Variants in BMP7 observed in about 807,000 individuals in gnomAD.
The protein encoded by BMP7 is osteogenic protein 1.
BMP7 carries 12 observed loss-of-function variants against 41.2 expected under a neutral mutation model. The ratio of observed to expected loss-of-function variants is 0.29; its 90% CI spans 0.19 to 0.47. The LOEUF (loss-of-function observed/expected upper bound fraction) is 0.47. Ranked by LOEUF, BMP7 falls within the 20% of genes least tolerant of loss-of-function variation. The pLI is 0.99. For missense variants in BMP7, 467 were observed against 606.0 expected, an observed-to-expected ratio of 0.77 and a Z score of 2.41; for synonymous variants, 248 against 250.0, an observed-to-expected ratio of 0.99 and a Z score of 0.07.
chr20:57,182,804 G>A (rs1385819874), intron 4 of BMP7, among the ~76,000 whole-genome samples: 2 of 152,272 alleles, frequency 1.3e-5, no homozygotes, highest in African/African-American at 4.8e-5. Context: ...TTCGCACAAT[G>A]CGTTAACTTT....
At chr20:57,181,862 G>GA (rs1473502680) in intron 4 of BMP7, among the ~76,000 whole-genome samples, 1 of 152,252 alleles carries the variant, frequency 6.6e-6, no homozygotes, top group African/African-American at 2.4e-5. Flanking sequence ...CCGCGTATTG[G>GA]AAGGCCAGCT....
At chr20:57,221,019 G>A (rs1406928584) in intron 2 of BMP7, among the ~76,000 whole-genome samples, 1 of 152,174 alleles carries the variant, frequency 6.6e-6, no homozygotes, top group African/African-American at 2.4e-5. Flanking sequence ...AGGGAAGGCT[G>A]GGTCGTGCTT....
intron 1 of BMP7, among the ~76,000 whole-genome samples, chr20:57,257,405 T>C (rs531821994): frequency 1.3e-5 from 2 of 152,140 alleles, no homozygotes; most frequent in Non-Finnish European, 2.9e-5. Context: ...ATTAAATGTA[T>C]ATTGTTAATT....
At position 57,204,935 on chromosome 20, in the gene BMP7, C is replaced by T. The variant is rs544002565; in HGVS notation, c.612-2312G>A. On this transcript the variant is annotated intron_variant, in intron 2 of 6. Coordinates refer to ENST00000395863, the MANE Select transcript of BMP7 (RefSeq NM_001719.3). ...GTGGGCCCTTTAGGAGGTGATTAGG[C>T]CATTGGGGATGGATTGGTGTCTTTA... is the stretch of plus-strand genomic sequence containing the variant. Among the ~76,000 whole-genome samples, 5 of 152,252 alleles carry T rather than the reference C, an allele frequency of 3.3e-5. No individual in the cohort carries two copies. The East Asian group carries it at 9.6e-4, about 29-fold the overall frequency.
chr20:57,223,232 A>AAAAG (rs200692307), intron 2 of BMP7, among the ~76,000 whole-genome samples: 44 of 85,184 alleles, frequency 5.2e-4, no homozygotes, highest in South Asian at 2.1e-3. Flanking sequence ...TCCATCTCAA[A>AAAAG]AAAAAAAAAA....
chr20:57,232,452 C>T (rs1480786136), intron 1 of BMP7, among the ~76,000 whole-genome samples: 2 of 152,052 alleles, frequency 1.3e-5, no homozygotes, highest in African/African-American at 2.4e-5. Context: ...AATAAAGATA[C>T]GTTTGAATAA....
At chr20:57,177,342 ATTT>A (rs1983952943) in intron 4 of BMP7, among the ~76,000 whole-genome samples, 1 of 137,714 alleles carries the variant, frequency 7.3e-6, no homozygotes, top group South Asian at 2.7e-4. Context: ...GGCTGCTTTT[ATTT>A]TCATCAGCAA....
chr20:57,242,499 G>T (rs540738163), intron 1 of BMP7, among the ~76,000 whole-genome samples: 1 of 151,990 alleles, frequency 6.6e-6, no homozygotes, highest in African/African-American at 2.4e-5. Context: ...CCCTTTTCTC[G>T]CCTATTAGAC....
chr20:57,209,047 G>A (rs1308545399), intron 2 of BMP7, among the ~76,000 whole-genome samples: 1 of 151,270 alleles, frequency 6.6e-6, no homozygotes, highest in Non-Finnish European at 1.5e-5. Flanking sequence ...GGCCAGGCAC[G>A]GTGGCTCACG....
intron 1 of BMP7, among the ~76,000 whole-genome samples, chr20:57,236,290 G>T (rs2066047445): frequency 6.6e-6 from 1 of 152,212 alleles, no homozygotes; most frequent in Admixed American, 6.5e-5. Context: ...TGCCAGGAGG[G>T]CGATAACACC....
In BMP7 at chr20:57,219,229, G is replaced by GTGGTAGCTGGTGTTTGC. The variant is rs1300507220; in HGVS notation, c.611+8983_611+8999dup. Among the ~76,000 whole-genome samples, 3 of 144,472 alleles carry GTGGTAGCTGGTGTTTGC rather than the reference G, an allele frequency of 2.1e-5. No individual in the cohort carries two copies. In the East Asian group the frequency reaches 5.8e-4, roughly 28 times the overall value. 94.8% of individuals were successfully genotyped at this position (144,472 alleles called of 152,430 possible). A position where few individuals can be genotyped will look rare whatever the true frequency, so the allele number is the denominator to read the frequency against. On this transcript the variant is annotated intron_variant, in intron 2 of 6. Transcript: ENST00000395863. ...TTTGTTCGGTGGTAGGTGGTGTTTG[G>GTGGTAGCTGGTGTTTGC]TGGTAGCTGGTGTTTGCTGGTAGCT...
intron 4 of BMP7, among the ~76,000 whole-genome samples, chr20:57,178,605 A>G (rs1293777098): frequency 6.6e-6 from 1 of 152,086 alleles, no homozygotes; most frequent in Non-Finnish European, 1.5e-5. Flanking sequence ...AGAGCACACG[A>G]TGCCAAGCAG....
intron 1 of BMP7, among the ~76,000 whole-genome samples, chr20:57,235,715 T>C (rs879264063): frequency 4.0e-4 from 61 of 152,126 alleles, no homozygotes; most frequent in African/African-American, 1.4e-3. Flanking sequence ...CTGGGGAGTT[T>C]AGGTAAGAAG....
intron 1 of BMP7, among the ~76,000 whole-genome samples, chr20:57,243,256 A>T (rs2066076917): frequency 6.6e-6 from 1 of 152,120 alleles, no homozygotes; most frequent in Non-Finnish European, 1.5e-5. Context: ...AGGTCGAGGC[A>T]GGTGTATCAC....
In BMP7 at chr20:57,265,997, G is replaced by A; in HGVS notation, c.126C>T (p.Ile42=). The A allele has an allele frequency of 6.5e-7, 1 of 1,549,984 alleles. No homozygotes were observed. Among genetic ancestry groups the A allele is most frequent in the South Asian group, 1.2e-5 (1 of 84,040 alleles). Residue 42 remains isoleucine (I), a synonymous_variant, in exon 1 of 7, where the codon ATC becomes ATT. Transcript: ENST00000395863. The part of the protein sequence containing the change: ...SLDNEVHSSF[I]HRRLRSQERR... ...GCTCCTGGCTGCGGAGGCGCCGGTG[G>A]ATGAAGCTCGAGTGCACCTCGTTGT...
chr20:57,194,650 A>C (rs1406963220), intron 3 of BMP7, among the ~76,000 whole-genome samples: 1 of 152,208 alleles, frequency 6.6e-6, no homozygotes, highest in Non-Finnish European at 1.5e-5. Flanking sequence ...GTTGCTTCTC[A>C]ACAAAAATGA....
intron 3 of BMP7, among the ~76,000 whole-genome samples, chr20:57,197,626 A>G (rs973667274): frequency 1.1e-4 from 17 of 152,300 alleles, no homozygotes; most frequent in Admixed American, 7.8e-4. Flanking sequence ...GGTGATATCA[A>G]TTGTGCTACC....
chr20:57,226,826 T>TA (rs2066009023), intron 2 of BMP7, among the ~76,000 whole-genome samples: 1 of 127,644 alleles, frequency 7.8e-6, no homozygotes, highest in Non-Finnish European at 1.9e-5. Context: ...CTCAAAAACT[T>TA]TTTTTTTTTT....
chr20:57,203,953 T>C (rs1283976474), intron 2 of BMP7, among the ~76,000 whole-genome samples: 1 of 152,228 alleles, frequency 6.6e-6, no homozygotes, highest in Non-Finnish European at 1.5e-5. Context: ...CTCATGTCAC[T>C]TAGTTCTTAC....
Sources: gnomAD v4.1 joint callset for allele counts (sites outside exome capture counted in the v4.1 genomes callset) on GRCh38, gnomAD v4.1.1 for gene constraint, MANE v1.5 for transcripts, NCBI Gene and HGNC (gene_info 2026-07-23, HGNC 2026-07-21) for gene names.